Variants in DLG2 observed in about 807,000 individuals in gnomAD.
The protein encoded by DLG2 is discs large MAGUK scaffold protein 2, also known as disks large homolog 2.
In DLG2, 45 loss-of-function variants were observed where a neutral mutation model predicts 132.5. That is an observed-to-expected ratio of 0.34 (90% confidence interval 0.27 to 0.44). DLG2 has a LOEUF of 0.44. Ranked by LOEUF, DLG2 falls within the 20% of genes least tolerant of loss-of-function variation. DLG2 has a pLI of 1.00. For missense variants in DLG2, 1,045 were observed against 1,196.9 expected (o/e 0.87, Z 1.87); for synonymous variants, 424 against 419.6 (o/e 1.01, Z -0.13).
chr11:84,125,301 C>CA (rs2094124326), intron 9 of DLG2, among the ~76,000 whole-genome samples: 1 of 152,132 alleles, frequency 6.6e-6, no homozygotes, highest in Admixed American at 6.5e-5. Context: ...TCCAACCTCA[C>CA]ACACACAAGT....
intron 3 of DLG2, among the ~76,000 whole-genome samples, chr11:85,428,696 C>G (rs1374462331): frequency 6.6e-6 from 1 of 151,886 alleles, no homozygotes; most frequent in African/African-American, 2.4e-5. Context: ...AAATTGACAC[C>G]CTAACATCAT....
intron 3 of DLG2, among the ~76,000 whole-genome samples, chr11:85,590,461 T>C (rs2079240465): frequency 6.6e-6 from 1 of 152,184 alleles, no homozygotes; most frequent in African/African-American, 2.4e-5. Context: ...TTCCTTGGGA[T>C]GGATGTTTAT....
intron 18 of DLG2, among the ~76,000 whole-genome samples, chr11:83,704,469 T>C (rs560649837): frequency 6.6e-6 from 1 of 152,244 alleles, no homozygotes; most frequent in African/African-American, 2.4e-5. Context: ...ACAATAAACA[T>C]GTAATACCAT....
chr11:83,970,741 G>C (rs913270516), intron 12 of DLG2, among the ~76,000 whole-genome samples: 1 of 152,168 alleles, frequency 6.6e-6, no homozygotes, highest in Non-Finnish European at 1.5e-5. Context: ...GCACAATACA[G>C]TTCTTAATGT....
At chr11:84,394,855 C>A (rs117384147) in intron 7 of DLG2, among the ~76,000 whole-genome samples, 1 of 152,142 alleles carries the variant, frequency 6.6e-6, no homozygotes, top group South Asian at 2.1e-4. Flanking sequence ...CTCCTGACCT[C>A]GTGATCCATC....
At chr11:84,469,476 A>C (rs981330390) in intron 7 of DLG2, among the ~76,000 whole-genome samples, 5 of 151,628 alleles carry the variant, frequency 3.3e-5, no homozygotes, top group Non-Finnish European at 7.4e-5. Context: ...AAAGTAAGAC[A>C]TGGTAGGAGA....
At chr11:84,145,366 T>C (rs1216195720) in intron 9 of DLG2, among the ~76,000 whole-genome samples, 6 of 152,210 alleles carry the variant, frequency 3.9e-5, no homozygotes, top group Non-Finnish European at 7.4e-5. Flanking sequence ...TATAGACCAT[T>C]GCTCTTAGGA....
intron 11 of DLG2, among the ~76,000 whole-genome samples, chr11:83,997,582 T>C (rs990891749): frequency 2.0e-5 from 3 of 147,790 alleles, no homozygotes; most frequent in African/African-American, 7.5e-5. Flanking sequence ...TACAAAAAAT[T>C]TAGCTGGGCA....
chr11:83,713,279 C>G (rs1033766968), intron 18 of DLG2, among the ~76,000 whole-genome samples: 12 of 152,102 alleles, frequency 7.9e-5, no homozygotes, highest in Non-Finnish European at 1.0e-4. Flanking sequence ...GTTACACTAC[C>G]TCATTAAAGG....
At chr11:83,752,975 TTAAGG>T (rs1467954855) in intron 18 of DLG2, among the ~76,000 whole-genome samples, 1 of 152,042 alleles carries the variant, frequency 6.6e-6, no homozygotes, top group Non-Finnish European at 1.5e-5. Context: ...TGCTGAAAGT[TTAAGG>T]TAAGAGGAGA....
At chr11:83,536,239 A>G (rs918356420) in intron 20 of DLG2, among the ~76,000 whole-genome samples, 1 of 152,224 alleles carries the variant, frequency 6.6e-6, no homozygotes, top group African/African-American at 2.4e-5. Context: ...TCGAGTTAGT[A>G]GCATACCACA....
At chr11:83,480,571 A>T (rs1028476874) in intron 22 of DLG2, 22 of 1,545,516 alleles carry the variant, frequency 1.4e-5, no homozygotes, top group Non-Finnish European at 1.8e-5. Context: ...AAGATAAAGA[A>T]GATGAAAACT....
intron 13 of DLG2, 111 bp downstream of exon 13, chr11:83,965,213 T>C: frequency 8.2e-7 from 1 of 1,219,584 alleles, no homozygotes; most frequent in Non-Finnish European, 1.1e-6. Flanking sequence ...CTGAAGTATT[T>C]CCAGAAGTTA....
intron 7 of DLG2, among the ~76,000 whole-genome samples, chr11:84,407,640 C>T (rs1425259043): frequency 6.6e-6 from 1 of 152,146 alleles, no homozygotes; most frequent in Non-Finnish European, 1.5e-5. Flanking sequence ...CTTGACAAAT[C>T]ACTGGATTTG....
In DLG2 at chr11:85,422,784, C is replaced by A. The variant is rs149533598; in HGVS notation, c.41-137419G>T. On this transcript the variant is annotated intron_variant, in intron 3 of 27. Transcript: ENST00000376104. ...AGGACTACAGGCACGAGACACCACACCTGGCATGATTGGTTTTTATTTCTG... is the reference window on the plus strand; with the variant it reads ...AGGACTACAGGCACGAGACACCACAACTGGCATGATTGGTTTTTATTTCTG... 8.7e-3 allele frequency among the ~76,000 whole-genome samples: 1,325 copies of A among 152,232 alleles called. 50 individuals are homozygous for A. Among genetic ancestry groups the A allele is most frequent in the Admixed American group, 0.066 (1,009 of 15,280 alleles).
intron 4 of DLG2, among the ~76,000 whole-genome samples, chr11:85,215,986 A>G (rs903937904): frequency 2.8e-5 from 4 of 144,286 alleles, no homozygotes; most frequent in African/African-American, 1.0e-4. Context: ...TAAACAGATC[A>G]TTAGGATATA....
chr11:83,609,624 G>T (rs1257468945), intron 19 of DLG2, among the ~76,000 whole-genome samples: 2 of 152,042 alleles, frequency 1.3e-5, no homozygotes, highest in African/African-American at 4.8e-5. Context: ...GGCATGTGTG[G>T]GATCTTTGCA....
At chr11:85,119,875 C>T (rs1481877372) in intron 5 of DLG2, among the ~76,000 whole-genome samples, 1 of 151,970 alleles carries the variant, frequency 6.6e-6, no homozygotes, top group Non-Finnish European at 1.5e-5. Context: ...TTAATTCTTC[C>T]TGAAATTTAT....
At chr11:85,507,965 A>C (rs2093972805) in intron 3 of DLG2, among the ~76,000 whole-genome samples, 1 of 152,042 alleles carries the variant, frequency 6.6e-6, no homozygotes, top group Non-Finnish European at 1.5e-5. Flanking sequence ...TTGATCTTCA[A>C]TCACTTATAC....
Sources: gnomAD v4.1 joint callset for allele counts (sites outside exome capture counted in the v4.1 genomes callset) on GRCh38, gnomAD v4.1.1 for gene constraint, MANE v1.5 for transcripts, NCBI Gene and HGNC (gene_info 2026-07-23, HGNC 2026-07-21) for gene names.